Variants in SYT14 observed in about 807,000 individuals in gnomAD.
The protein encoded by SYT14 is synaptotagmin-14.
Under a neutral mutation model 74.2 loss-of-function variants are expected in SYT14, and 32 were observed. The observed-to-expected ratio is 0.43, with a 90% confidence interval of 0.33 to 0.58. The LOEUF is 0.58. SYT14 is among the 20% of genes least tolerant of loss of function. The probability of loss-of-function intolerance (pLI) is 0.05; values close to 1 mark genes in which losing one functional copy is unlikely to be tolerated. For missense variants in SYT14, 791 were observed against 981.8 expected (o/e 0.81, Z 2.60); for synonymous variants, 298 against 337.7 (o/e 0.88, Z 1.29).
At chr1:210,004,162 A>G (rs946463081) in intron 2 of SYT14, among the ~76,000 whole-genome samples, 1 of 152,020 alleles carries the variant, frequency 6.6e-6, no homozygotes, top group African/African-American at 2.4e-5. Flanking sequence ...TTTCATTAAC[A>G]TTTATTAGTG....
intron 1 of SYT14, among the ~76,000 whole-genome samples, chr1:209,941,864 T>C (rs1432529371): frequency 6.6e-6 from 1 of 152,230 alleles, no homozygotes; most frequent in African/African-American, 2.4e-5. Flanking sequence ...TCAAGTTCTT[T>C]ATATCATATG....
chr1:209,963,719 T>C (rs1046785051), intron 2 of SYT14, among the ~76,000 whole-genome samples: 1 of 152,182 alleles, frequency 6.6e-6, no homozygotes, highest in East Asian at 1.9e-4. Flanking sequence ...TTAAGAAATA[T>C]ATCTACAAAA....
chr1:209,958,758 T>C (rs776565436), intron 2 of SYT14, among the ~76,000 whole-genome samples: 26 of 152,342 alleles, frequency 1.7e-4, no homozygotes, highest in Admixed American at 6.5e-5. Flanking sequence ...TAGACAGTTA[T>C]ATCATCTTCA....
At chr1:210,008,938 A>G (rs986047875) in intron 2 of SYT14, among the ~76,000 whole-genome samples, 7 of 152,180 alleles carry the variant, frequency 4.6e-5, no homozygotes, top group African/African-American at 1.4e-4. Context: ...GGGGTGTCCA[A>G]TCTTTTGGCT....
chr1:210,103,015 C>G (rs1304974492), intron 7 of SYT14, among the ~76,000 whole-genome samples: 1 of 152,064 alleles, frequency 6.6e-6, no homozygotes, highest in Non-Finnish European at 1.5e-5. Flanking sequence ...TTATTGTTGT[C>G]ATTTTTATTG....
intron 7 of SYT14, among the ~76,000 whole-genome samples, chr1:210,112,661 A>G (rs1247913157): frequency 2.0e-5 from 3 of 151,338 alleles, no homozygotes; most frequent in Non-Finnish European, 4.4e-5. Flanking sequence ...ATGGGATCTG[A>G]TGCCTTTTGA....
rs1196789715 is a variant in SYT14 at position 210,056,659 on chromosome 1, C to CAAAAAAAAAAAAAA, written c.1312+35409_1312+35422dup. On this transcript the variant is annotated intron_variant, in intron 5 of 9. Coordinates refer to ENST00000637265, the Ensembl canonical transcript of SYT14. The stretch of plus-strand genomic sequence containing the variant: ...TGAAACCCCGTCTCTACTAAAAATA[C>CAAAAAAAAAAAAAA]AAAAAAAAAAAAAAAAATTAGCCGG... 1.3e-4 allele frequency among the ~76,000 whole-genome samples: 10 copies of CAAAAAAAAAAAAAA among 79,384 alleles called. 1 individual carries two copies. In the East Asian group the frequency reaches 2.2e-3, roughly 17 times the overall value. The allele number at this position is 79,384 out of a possible 152,430, so 52.1% of individuals were successfully genotyped here. A position where few individuals can be genotyped will look rare whatever the true frequency, so the allele number is the denominator to read the frequency against.
intron 4 of SYT14, among the ~76,000 whole-genome samples, chr1:210,020,802 A>C (rs755425589): frequency 6.6e-6 from 1 of 152,140 alleles, no homozygotes; most frequent in African/African-American, 2.4e-5. Flanking sequence ...TGGGCTTCTT[A>C]TGTGAAAAAA....
chr1:210,018,385 G>A (rs1267493607), intron 4 of SYT14, among the ~76,000 whole-genome samples: 2 of 152,000 alleles, frequency 1.3e-5, no homozygotes, highest in Non-Finnish European at 2.9e-5. Context: ...CACCCGCCTC[G>A]GCCTCCCAAA....
intron 7 of SYT14, among the ~76,000 whole-genome samples, chr1:210,113,162 C>T (rs2082297159): frequency 6.6e-6 from 1 of 151,216 alleles, no homozygotes; most frequent in Non-Finnish European, 1.5e-5. Flanking sequence ...ACCGCACAGC[C>T]CTGCACTTCG....
chr1:210,165,745 A>G (rs568960876), exon 10 of SYT14: 1 of 152,296 alleles, frequency 6.6e-6, no homozygotes, highest in Admixed American at 6.5e-5. Flanking sequence ...CCTTGTTAGT[A>G]TCTTTCTGTA....
intron 7 of SYT14, among the ~76,000 whole-genome samples, chr1:210,146,110 G>A (rs1310686315): frequency 1.3e-5 from 2 of 152,240 alleles, no homozygotes; most frequent in East Asian, 3.9e-4. Flanking sequence ...GGCTGAGGTG[G>A]GCAGGTCACC....
exon 10 of SYT14, chr1:210,170,292 G>A (rs928282886): frequency 1.3e-5 from 2 of 152,046 alleles, no homozygotes; most frequent in African/African-American, 2.4e-5. Flanking sequence ...ATAAACATGC[G>A]TGTGTGAAGC....
intron 5 of SYT14, among the ~76,000 whole-genome samples, chr1:210,043,642 G>A (rs1280470906): frequency 6.6e-6 from 1 of 152,108 alleles, no homozygotes; most frequent in Non-Finnish European, 1.5e-5. Context: ...GAGAAATCCA[G>A]GATAGATTTC....
At chr1:210,081,576 A>C (rs1572266332) in intron 5 of SYT14, among the ~76,000 whole-genome samples, 3 of 152,222 alleles carry the variant, frequency 2.0e-5, no homozygotes, top group African/African-American at 7.2e-5. Context: ...GGAAAATGGC[A>C]CTAGTAGACT....
At chr1:210,105,797 G>A (rs1241948048) in intron 7 of SYT14, among the ~76,000 whole-genome samples, 1 of 152,150 alleles carries the variant, frequency 6.6e-6, no homozygotes, top group Admixed American at 6.5e-5. Flanking sequence ...CCTCACGATA[G>A]TAAATTATTT....
At chr1:210,163,966 A>G (rs981767569) in exon 10 of SYT14, 17 of 452,130 alleles carry the variant, frequency 3.8e-5, no homozygotes, top group Non-Finnish European at 7.1e-5. Flanking sequence ...AAGTTTTCTA[A>G]TAAAATGATA....
At chr1:210,025,011 T>G (rs991883605) in intron 5 of SYT14, among the ~76,000 whole-genome samples, 1 of 152,082 alleles carries the variant, frequency 6.6e-6, no homozygotes, top group African/African-American at 2.4e-5. Flanking sequence ...GTATAAGTGG[T>G]AAGGAAGTAT....
chr1:210,096,082 A>G (rs2081961878), intron 6 of SYT14, among the ~76,000 whole-genome samples: 1 of 152,236 alleles, frequency 6.6e-6, no homozygotes, highest in African/African-American at 2.4e-5. Flanking sequence ...TAACAACCAC[A>G]TCTTTAGGAA....
Sources: allele counts gnomAD v4.1 joint callset (sites outside exome capture counted in the v4.1 genomes callset), GRCh38; gene constraint gnomAD v4.1.1; transcripts MANE v1.5; gene names NCBI Gene and HGNC (gene_info 2026-07-23, HGNC 2026-07-21).